The following HKDC1 variants were observed in gnomAD, a reference collection of about 807,000 sequenced individuals.
HKDC1 encodes the protein hexokinase domain containing 1, also known as hexokinase HKDC1.
Under a neutral mutation model 96.6 loss-of-function variants are expected in HKDC1, and 66 were observed. The ratio of observed to expected loss-of-function variants is 0.68; its 90% CI spans 0.56 to 0.84. The LOEUF (loss-of-function observed/expected upper bound fraction) is 0.84, where lower values mean the gene tolerates loss of function less well. Ranked by LOEUF, HKDC1 falls within the 40% of genes least tolerant of loss-of-function variation. The pLI is 0.00. For synonymous variants in HKDC1, 466 were observed against 473.1 expected, an observed-to-expected ratio of 0.98 and a Z score of 0.20; for missense variants, 1,211 against 1,208.1, an observed-to-expected ratio of 1.00 and a Z score of -0.04.
At chr10:69,230,696 C>T (rs1843242725) in intron 2 of HKDC1, among the ~76,000 whole-genome samples, 1 of 152,242 alleles carries the variant, frequency 6.6e-6, no homozygotes, top group Non-Finnish European at 1.5e-5. Flanking sequence ...TCACTGCAGC[C>T]TTGACCTTCT....
chr10:69,266,829 A>T lies in HKDC1; in HGVS notation c.*72A>T. ...TTCCTCTGGCAGATCAGTTGGTCAGAGACCAATGGGCACCCTCCTGGCTGA... is the reference window on the plus strand; with the variant it reads ...TTCCTCTGGCAGATCAGTTGGTCAGTGACCAATGGGCACCCTCCTGGCTGA... On this transcript the variant is annotated 3_prime_UTR_variant, in exon 18 of 18. Coordinates refer to ENST00000354624, the MANE Select transcript of HKDC1 (RefSeq NM_025130.4). 1.3e-6 allele frequency: 2 copies of T among 1,492,564 alleles called. No individual in the cohort carries two copies. The highest frequency in any genetic ancestry group is 9.1e-7 in the Non-Finnish European group (1 of 1,101,298). 92.5% of individuals were successfully genotyped at this position (1,492,564 alleles called of 1,614,324 possible). A position where few individuals can be genotyped will look rare whatever the true frequency, so the allele number is the denominator to read the frequency against.
chr10:69,252,047 A>G (rs889334861), intron 12 of HKDC1, among the ~76,000 whole-genome samples: 7 of 152,222 alleles, frequency 4.6e-5, no homozygotes, highest in African/African-American at 1.7e-4. Flanking sequence ...GGCGTGAGCC[A>G]CTGTGCCTGG....
intron 14 of HKDC1, 37 bp from the exon 15 acceptor site, chr10:69,258,739 T>C: frequency 2.5e-6 from 4 of 1,608,134 alleles, no homozygotes; most frequent in Non-Finnish European, 3.4e-6. Context: ...CCTGGTGATG[T>C]CTTTGAAGAC....
In HKDC1 at chr10:69,247,573, C is replaced by A; in HGVS notation, c.1245C>A (p.Thr415=). 1 of 1,614,014 alleles carries A rather than the reference C, an allele frequency of 6.2e-7. No homozygotes were observed. Residue 415 remains threonine, a synonymous_variant, in exon 9 of 18, where the codon ACC becomes ACA. Coordinates refer to ENST00000354624, the MANE Select transcript of HKDC1 (RefSeq NM_025130.4). Reference sequence around the variant, plus strand: ...GGACCACAGTGGGCATGGACGGCACCCTCTACAAGATACACCCTCAGTGAG... The same window carrying A: ...GGACCACAGTGGGCATGGACGGCACACTCTACAAGATACACCCTCAGTGAG... The part of the protein sequence containing the change: ...RLRTTVGMDG[T]LYKIHPQYPK...
intron 1 of HKDC1, among the ~76,000 whole-genome samples, chr10:69,225,667 G>A (rs1036770479): frequency 7.9e-5 from 12 of 152,284 alleles, no homozygotes; most frequent in African/African-American, 2.6e-4. Context: ...CGAAGGTAAT[G>A]TGAGCCCTGT....
At position 69,220,505 on chromosome 10, in the gene HKDC1, A is replaced by G. The variant is rs1337301459; in HGVS notation, c.63+7A>G. 3 of 1,580,468 alleles carry G rather than the reference A, an allele frequency of 1.9e-6. No individual in the cohort carries two copies. The highest frequency in any genetic ancestry group is 3.7e-5 in the Admixed American group (2 of 53,400). Reference sequence around the variant, plus strand: ...GGAGGACCAGATCAAGAAGGTAAGGAGGACCCACGAAGCTGAGAGATGCCC... The same window carrying G: ...GGAGGACCAGATCAAGAAGGTAAGGGGGACCCACGAAGCTGAGAGATGCCC... On this transcript the variant is annotated splice_region_variant and intron_variant, in intron 1 of 17. Coordinates refer to ENST00000354624, the MANE Select transcript of HKDC1 (RefSeq NM_025130.4).
At chr10:69,228,934 A>G (rs1483119328) in intron 2 of HKDC1, among the ~76,000 whole-genome samples, 1 of 152,124 alleles carries the variant, frequency 6.6e-6, no homozygotes, top group Non-Finnish European at 1.5e-5. Flanking sequence ...AAGGAAAGAA[A>G]GAAGAAAGAG....
Position 69,248,684 on chromosome 10 carries a change from T to A in HKDC1, c.1526T>A (p.Val509Asp), listed in dbSNP as rs1843586395. The change falls in exon 10 of 18, where the codon GTC (valine) becomes GAC (aspartate). Residue 509 changes from valine (V) to aspartate (D), a missense_variant. Transcript: ENST00000354624. ...LKKKSHGLAT[V>D]RMLPTYVCGL... ...AAGAAGAGCCACGGGCTGGCCACGGTCAGGATGCTGCCCACCTACGTCTGC... is the reference window on the plus strand; with the variant it reads ...AAGAAGAGCCACGGGCTGGCCACGGACAGGATGCTGCCCACCTACGTCTGC... 6.2e-7 allele frequency: 1 copy of A among 1,613,564 alleles called. No individual in the cohort carries two copies. Among genetic ancestry groups the A allele is most frequent in the Non-Finnish European group, 8.5e-7 (1 of 1,179,816 alleles).
At chr10:69,242,249 G>A (rs1425458950) in intron 6 of HKDC1, among the ~76,000 whole-genome samples, 1 of 152,004 alleles carries the variant, frequency 6.6e-6, no homozygotes, top group East Asian at 1.9e-4. Context: ...CATGGCACCC[G>A]CCTGTCACTG....
chr10:69,259,618 A>G (rs975155907), intron 15 of HKDC1, among the ~76,000 whole-genome samples: 9 of 152,202 alleles, frequency 5.9e-5, no homozygotes, highest in Non-Finnish European at 1.0e-4. Context: ...GTAATTTATG[A>G]AGAAAAGAGG....
rs149591258 is a variant in HKDC1, at chr10:69,246,091, G to C, written c.888G>C (p.Met296Ile). The C allele has an allele frequency of 2.6e-5, 42 of 1,614,142 alleles. 1 individual carries two copies. The highest frequency in any genetic ancestry group is 2.4e-4 in the African/African-American group (18 of 75,054). Residue 296 changes from methionine (M) to isoleucine (I), a missense_variant, in exon 8 of 18, where the codon ATG becomes ATC. Met to Ile is a conservative substitution (Grantham distance 10). Coordinates refer to ENST00000354624, the MANE Select transcript of HKDC1 (RefSeq NM_025130.4). ...CACCAACCTGCAGGTTCGAGAAGAT[G>C]ATCAGTGGCCTGTACCTGGGGGAGC... Reference protein sequence around the residue: ...LNPGKQLFEKMISGLYLGELV... With the variant: ...LNPGKQLFEKIISGLYLGELV...
chr10:69,247,627 T>C, intron 9 of HKDC1, 34 bp downstream of exon 9: 2 of 1,553,632 alleles, frequency 1.3e-6, no homozygotes, highest in Non-Finnish European at 1.8e-6. Flanking sequence ...CCCCCACAAA[T>C]GAGTCTCCCT....
chr10:69,232,041 C>A (rs994258339), intron 2 of HKDC1, among the ~76,000 whole-genome samples: 1 of 152,174 alleles, frequency 6.6e-6, no homozygotes, highest in Non-Finnish European at 1.5e-5. Context: ...AGCAACATCA[C>A]CAAGTTGGCC....
chr10:69,257,301 T>TTTTTTG (rs756592315), intron 13 of HKDC1, 26 bp from the exon 14 acceptor site: 11 of 1,596,366 alleles, frequency 6.9e-6, no homozygotes, highest in South Asian at 2.2e-5. Flanking sequence ...AAGCTGGGTT[T>TTTTTTG]TTTTTGTTTT....
At chr10:69,258,719 C>A in intron 14 of HKDC1, 57 bp from the exon 15 acceptor site, 1 of 1,569,000 alleles carries the variant, frequency 6.4e-7, no homozygotes, top group Non-Finnish European at 8.8e-7. Context: ...ACTCTGCCAC[C>A]TTTCTAAAAC....
rs1843737394 is a variant in HKDC1 at position 69,257,414 on chromosome 10, G to A, written c.2020G>A (p.Gly674Ser). 4 of 1,612,442 alleles carry A rather than the reference G, an allele frequency of 2.5e-6. No homozygotes were observed. The highest frequency in any genetic ancestry group is 1.7e-6 in the Non-Finnish European group (2 of 1,178,438). ...CGYEDPNCEI[G>S]LIAGTGSNMC... ...CTATGAAGATCCTAATTGTGAGATT[G>A]GCCTGATTGCAGGTAGGTGGTCAGG... Residue 674 changes from glycine to serine, a missense_variant, in exon 14 of 18, where the codon GGC becomes AGC. Gly to Ser is a moderately conservative substitution (Grantham distance 56, BLOSUM62 0). Transcript: ENST00000354624.
At chr10:69,247,292 C>T (rs1252641980) in intron 8 of HKDC1, 68 bp from the exon 9 acceptor site, 2 of 1,057,150 alleles carry the variant, frequency 1.9e-6, no homozygotes, top group East Asian at 4.8e-5. Context: ...GGTGGAGAAG[C>T]TTGTTCCCCC....
chr10:69,236,388 G>C (rs1393244596), intron 4 of HKDC1, among the ~76,000 whole-genome samples: 1 of 151,700 alleles, frequency 6.6e-6, no homozygotes, highest in Admixed American at 6.6e-5. Flanking sequence ...GATTGCAGGC[G>C]TGGTGAGCCA....
chr10:69,261,455 C>T (rs753996019), intron 16 of HKDC1, 161 bp downstream of exon 16: 20 of 632,610 alleles, frequency 3.2e-5, no homozygotes, highest in African/African-American at 5.5e-5. Context: ...GATTCAGGAT[C>T]GCTTTCAACA....
Sources: gnomAD v4.1 joint callset for allele counts (sites outside exome capture counted in the v4.1 genomes callset) on GRCh38, gnomAD v4.1.1 for gene constraint, MANE v1.5 for transcripts, NCBI Gene and HGNC (gene_info 2026-07-23, HGNC 2026-07-21) for gene names.